The following NMNAT2 variants were observed in gnomAD, a reference collection of about 807,000 sequenced individuals.
The protein encoded by NMNAT2 is nicotinamide/nicotinic acid mononucleotide adenylyltransferase 2.
In NMNAT2, 11 loss-of-function variants were observed where a neutral mutation model predicts 41.6. The ratio of observed to expected loss-of-function variants is 0.26; its 90% confidence interval spans 0.17 to 0.44. NMNAT2 has a LOEUF of 0.44. Ranked by LOEUF, NMNAT2 falls within the 20% of genes least tolerant of loss-of-function variation. The pLI is 1.00. For synonymous variants in NMNAT2, 148 were observed against 151.2 expected (o/e 0.98, Z 0.16); for missense variants, 288 against 407.7 (o/e 0.71, Z 2.53).
At chr1:183,347,229 G>A (rs1201077999) in intron 1 of NMNAT2, among the ~76,000 whole-genome samples, 1 of 152,112 alleles carries the variant, frequency 6.6e-6, no homozygotes, top group African/African-American at 2.4e-5. Flanking sequence ...CGAGGCTAGA[G>A]GATTGCTTGA....
chr1:183,351,631 G>A (rs908925801), intron 1 of NMNAT2, among the ~76,000 whole-genome samples: 2 of 152,172 alleles, frequency 1.3e-5, no homozygotes, highest in African/African-American at 4.8e-5. Flanking sequence ...TTTCAGCTTA[G>A]GGTCTTTGTT....
chr1:183,366,819 C>T (rs1663423750), intron 1 of NMNAT2, among the ~76,000 whole-genome samples: 1 of 152,108 alleles, frequency 6.6e-6, no homozygotes, highest in Non-Finnish European at 1.5e-5. Flanking sequence ...GTGTGAAGAC[C>T]TCTATGCCTT....
intron 1 of NMNAT2, among the ~76,000 whole-genome samples, chr1:183,379,016 C>T (rs1478089983): frequency 1.3e-5 from 2 of 151,960 alleles, no homozygotes; most frequent in Non-Finnish European, 2.9e-5. Context: ...GCACTCCAGC[C>T]TGGGTGACAG....
rs564748638 is a variant in NMNAT2 at position 183,282,200 on chromosome 1, C to T, written c.574+1795G>A. Among the ~76,000 whole-genome samples, 12 of 152,358 alleles carry T rather than the reference C, an allele frequency of 7.9e-5. No individual in the cohort carries two copies. In the South Asian group the frequency reaches 2.3e-3, roughly 29 times the overall value. ...TCACATGCAGGTAGACCCTCCCTCT[C>T]AGCGAGCACAGGGGATGTGGAAGGG... is the stretch of plus-strand genomic sequence containing the variant. On this transcript the variant is annotated intron_variant, in intron 7 of 10. Coordinates refer to ENST00000287713, the MANE Select transcript of NMNAT2 (RefSeq NM_015039.4).
At chr1:183,344,189 A>G (rs974926539) in intron 1 of NMNAT2, among the ~76,000 whole-genome samples, 1 of 152,192 alleles carries the variant, frequency 6.6e-6, no homozygotes, top group Non-Finnish European at 1.5e-5. Flanking sequence ...TTGACAAATT[A>G]TTATGTGTTA....
At chr1:183,341,742 A>AC (rs1557883728) in intron 1 of NMNAT2, among the ~76,000 whole-genome samples, 5 of 137,216 alleles carry the variant, frequency 3.6e-5, no homozygotes, top group African/African-American at 1.5e-4. Flanking sequence ...AAAAAAAAAA[A>AC]AAAAACCTGT....
intron 8 of NMNAT2, among the ~76,000 whole-genome samples, chr1:183,271,147 T>A (rs143048245): frequency 6.6e-6 from 1 of 152,222 alleles, no homozygotes; most frequent in African/African-American, 2.4e-5. Flanking sequence ...CCCAAGTTTT[T>A]ACTCTTTTGG....
intron 1 of NMNAT2, among the ~76,000 whole-genome samples, chr1:183,377,087 T>G (rs1163785827): frequency 6.6e-6 from 1 of 152,092 alleles, no homozygotes; most frequent in Non-Finnish European, 1.5e-5. Context: ...GCGACACAGC[T>G]GTAGTCCGAA....
chr1:183,357,050 T>G (rs1225449888), intron 1 of NMNAT2, among the ~76,000 whole-genome samples: 1 of 152,044 alleles, frequency 6.6e-6, no homozygotes, highest in Non-Finnish European at 1.5e-5. Context: ...ACACAACACA[T>G]GTCTCAAAAA....
chr1:183,364,683 C>CTTTCTTTCTTTCTTTCTTTCTTTCTTTCT (rs1553218932), intron 1 of NMNAT2, among the ~76,000 whole-genome samples: 2 of 151,388 alleles, frequency 1.3e-5, no homozygotes, highest in South Asian at 4.2e-4. Context: ...TTCTTTCTTT[C>CTTTCTTTCTTTCTTTCTTTCTTTCTTTCT]TTTTTTTGTT....
At chr1:183,287,496 T>C (rs1661430041) in intron 4 of NMNAT2, among the ~76,000 whole-genome samples, 1 of 152,150 alleles carries the variant, frequency 6.6e-6, no homozygotes, top group African/African-American at 2.4e-5. Context: ...AAGTGGAAAT[T>C]CTGTGTGTAT....
chr1:183,274,382 G>T (rs964262373), intron 8 of NMNAT2, among the ~76,000 whole-genome samples: 1 of 152,044 alleles, frequency 6.6e-6, no homozygotes, highest in Non-Finnish European at 1.5e-5. Context: ...CACGATCTCT[G>T]CTCACTGCAA....
At chr1:183,402,019 T>C (rs918744095) in intron 1 of NMNAT2, among the ~76,000 whole-genome samples, 1 of 151,930 alleles carries the variant, frequency 6.6e-6, no homozygotes, top group Non-Finnish European at 1.5e-5. Flanking sequence ...TGTATACATA[T>C]GTAACAAACC....
At chr1:183,306,679 A>C (rs1293270034) in intron 1 of NMNAT2, among the ~76,000 whole-genome samples, 3 of 152,210 alleles carry the variant, frequency 2.0e-5, no homozygotes, top group African/African-American at 7.2e-5. Flanking sequence ...AGAAACCTGA[A>C]AGTAAAGAAA....
At chr1:183,416,525 T>C (rs1649255942) in intron 1 of NMNAT2, among the ~76,000 whole-genome samples, 1 of 152,190 alleles carries the variant, frequency 6.6e-6, no homozygotes. Flanking sequence ...TGATAGTCCT[T>C]AGAAGACTGA....
chr1:183,388,535 C>T (rs1359417771), intron 1 of NMNAT2, among the ~76,000 whole-genome samples: 1 of 152,200 alleles, frequency 6.6e-6, no homozygotes, highest in Admixed American at 6.5e-5. Flanking sequence ...AGTTCACCTG[C>T]TACAATATCT....
rs2102268367 is a variant in NMNAT2, at chr1:183,251,430, T to A, written c.*1211A>T. On this transcript the variant is annotated 3_prime_UTR_variant, in exon 11 of 11. Coordinates refer to ENST00000287713, the MANE Select transcript of NMNAT2 (RefSeq NM_015039.4). ...GGACTTACAATATGAAAGAGACATT[T>A]CCCAGCCCAACAGACAATACATAAT... The A allele has an allele frequency of 6.6e-6, 1 of 152,372 alleles. No homozygotes were observed. Among genetic ancestry groups the A allele is most frequent in the South Asian group, 2.1e-4 (1 of 4,830 alleles). The allele number at this position is 152,372 out of a possible 1,614,324, so 9.4% of individuals were successfully genotyped here.
chr1:183,323,014 C>T (rs942767225), intron 1 of NMNAT2, among the ~76,000 whole-genome samples: 2 of 152,164 alleles, frequency 1.3e-5, no homozygotes, highest in Non-Finnish European at 2.9e-5. Context: ...TCGCTGCAAC[C>T]TCCGCCTCCC....
intron 4 of NMNAT2, among the ~76,000 whole-genome samples, chr1:183,288,131 T>C (rs1445822255): frequency 1.3e-5 from 2 of 152,246 alleles, no homozygotes; most frequent in Non-Finnish European, 2.9e-5. Context: ...ATTGGCCTGG[T>C]AGCTGAGGAG....
Sources: allele counts gnomAD v4.1 joint callset (sites outside exome capture counted in the v4.1 genomes callset), GRCh38; gene constraint gnomAD v4.1.1; transcripts MANE v1.5; gene names NCBI Gene and HGNC (gene_info 2026-07-23, HGNC 2026-07-21).